The following MTUS2 variants were observed in gnomAD, a reference collection of about 807,000 sequenced individuals.
The protein encoded by MTUS2 is microtubule-associated tumor suppressor candidate 2.
A neutral mutation model predicts 114.1 loss-of-function variants in MTUS2; 40 were observed. The observed-to-expected ratio is 0.35, with a 90% CI of 0.27 to 0.46. The LOEUF (loss-of-function observed/expected upper bound fraction) is 0.46. Ranked by LOEUF, MTUS2 falls within the 20% of genes least tolerant of loss-of-function variation. The pLI is 1.00. For missense variants in MTUS2, 1,679 were observed against 1,705.4 expected (o/e 0.98, Z 0.27); for synonymous variants, 688 against 672.0 (o/e 1.02, Z -0.37).
At position 29,034,115 on chromosome 13, in the gene MTUS2, C is replaced by T. The variant is rs186190059; in HGVS notation, c.2436C>T (p.Ser812=). The T allele has an allele frequency of 1.1e-4, 177 of 1,613,956 alleles. No homozygotes were observed. The African/African-American group carries it at 1.4e-3, about 13-fold the overall frequency. The change falls in exon 4 of 16, where the codon TCC becomes TCT. Residue 812 remains serine (S), a synonymous_variant. Coordinates refer to ENST00000612955, the MANE Select transcript of MTUS2 (RefSeq NM_001033602.4). ...CAACAGCCACCAGTCTCTACAGTTC[C>T]GATCCTTCAGGTAACCGATCCAACA... ...PITTATSLYS[S]DPSADLKKAS...
chr13:28,882,644 A>G (rs964847888), intron 2 of MTUS2, among the ~76,000 whole-genome samples: 4 of 152,276 alleles, frequency 2.6e-5, no homozygotes, highest in East Asian at 1.9e-4. Flanking sequence ...GGCTGAGGCA[A>G]GAAGCTCACT....
intron 13 of MTUS2, 194 bp downstream of exon 13, chr13:29,497,530 T>C (rs906305388): frequency 1.5e-5 from 9 of 597,112 alleles, no homozygotes; most frequent in South Asian, 1.2e-4. Context: ...ACAGCAGCTG[T>C]GGGTTTCTCC....
rs574996766 is a variant in MTUS2 at position 29,426,621 on chromosome 13, G to A, written c.3118-13362G>A. On this transcript the variant is annotated intron_variant, in intron 8 of 15. Coordinates refer to ENST00000612955, the MANE Select transcript of MTUS2 (RefSeq NM_001033602.4). ...CTAGGTACTTCATATAAGTGGAATC[G>A]TACAGTATTTGTCCTTTTGTGACTG... Among the ~76,000 whole-genome samples, 16 of 152,204 alleles carry A rather than the reference G, an allele frequency of 1.1e-4. No individual in the cohort carries two copies. The East Asian group carries it at 1.9e-3, about 18-fold the overall frequency.
intron 2 of MTUS2, among the ~76,000 whole-genome samples, chr13:28,975,484 C>G (rs376503037): frequency 6.5e-4 from 3 of 4,650 alleles, no homozygotes; most frequent in Admixed American, 4.1e-3. Context: ...CATCGCCCTC[C>G]CCTGCGGCAG....
intron 2 of MTUS2, among the ~76,000 whole-genome samples, chr13:28,909,377 T>A (rs1047899926): frequency 5.9e-5 from 9 of 152,074 alleles, no homozygotes; most frequent in Non-Finnish European, 8.8e-5. Context: ...GAGCAGTGGT[T>A]TGTAGTTCTC....
At chr13:29,383,474 C>G (rs1247862492) in intron 8 of MTUS2, among the ~76,000 whole-genome samples, 1 of 152,192 alleles carries the variant, frequency 6.6e-6, no homozygotes, top group Admixed American at 6.5e-5. Flanking sequence ...CTAGCGAAGG[C>G]AGGGACGTGT....
chr13:29,466,929 C>T (rs1193222590), intron 9 of MTUS2, among the ~76,000 whole-genome samples: 4 of 151,018 alleles, frequency 2.6e-5, no homozygotes, highest in African/African-American at 4.9e-5. Flanking sequence ...CTTCCACATC[C>T]TGTGGAAAAT....
intron 2 of MTUS2, among the ~76,000 whole-genome samples, chr13:29,014,074 C>G (rs776063182): frequency 2.0e-5 from 3 of 152,176 alleles, no homozygotes; most frequent in Non-Finnish European, 4.4e-5. Flanking sequence ...ATTCGATGCT[C>G]AGTAAATCAG....
chr13:29,226,777 T>C (rs1896123014), intron 5 of MTUS2, among the ~76,000 whole-genome samples: 1 of 152,162 alleles, frequency 6.6e-6, no homozygotes, highest in Non-Finnish European at 1.5e-5. Flanking sequence ...TTTGAATAAA[T>C]AGAAATAATC....
chr13:28,996,075 A>G (rs1172677576), intron 2 of MTUS2, among the ~76,000 whole-genome samples: 1 of 152,206 alleles, frequency 6.6e-6, no homozygotes, highest in African/African-American at 2.4e-5. Flanking sequence ...CATCCCATCA[A>G]TAACCTCATT....
intron 5 of MTUS2, among the ~76,000 whole-genome samples, chr13:29,274,696 T>C (rs2139514863): frequency 6.6e-6 from 1 of 152,294 alleles, no homozygotes; most frequent in South Asian, 2.1e-4. Context: ...TTCTCATTTT[T>C]AATTGGGTTA....
chr13:29,017,703 G>GAAA (rs11369162), intron 2 of MTUS2, among the ~76,000 whole-genome samples: 3 of 145,124 alleles, frequency 2.1e-5, no homozygotes, highest in Non-Finnish European at 3.0e-5. Flanking sequence ...TTGAAAGATT[G>GAAA]AAAAAAAAAA....
At chr13:29,105,655 TTC>T (rs1414870028) in intron 5 of MTUS2, among the ~76,000 whole-genome samples, 1 of 85,840 alleles carries the variant, frequency 1.2e-5, no homozygotes. Flanking sequence ...TCCTGTTTTT[TTC>T]TTTTTTTCCT....
chr13:29,403,448 G>A (rs1214684828), intron 8 of MTUS2, among the ~76,000 whole-genome samples: 1 of 152,184 alleles, frequency 6.6e-6, no homozygotes, highest in African/African-American at 2.4e-5. Flanking sequence ...TAGGCCATGG[G>A]TGCCCAGACA....
intron 5 of MTUS2, among the ~76,000 whole-genome samples, chr13:29,134,633 T>C (rs1485779414): frequency 6.6e-6 from 1 of 152,368 alleles, no homozygotes; most frequent in East Asian, 1.9e-4. Flanking sequence ...GTTTCACTGT[T>C]GTCACCCAGG....
intron 5 of MTUS2, among the ~76,000 whole-genome samples, chr13:29,183,137 G>C (rs1184432046): frequency 6.6e-6 from 1 of 152,196 alleles, no homozygotes; most frequent in Non-Finnish European, 1.5e-5. Flanking sequence ...ATATAGGCAA[G>C]ATGTGAGGAT....
At chr13:29,098,111 T>C (rs540428193) in intron 4 of MTUS2, among the ~76,000 whole-genome samples, 2 of 152,262 alleles carry the variant, frequency 1.3e-5, no homozygotes, top group African/African-American at 4.8e-5. Context: ...AGCAGACTCT[T>C]GAGCTCTACT....
intron 9 of MTUS2, among the ~76,000 whole-genome samples, chr13:29,471,668 T>C (rs370438947): frequency 6.6e-6 from 1 of 150,886 alleles, no homozygotes; most frequent in Admixed American, 6.6e-5. Flanking sequence ...GGGTGCATCA[T>C]GGAGGCCCCC....
At position 29,325,195 on chromosome 13, in the gene MTUS2, C is replaced by T. The variant is rs546968205; in HGVS notation, c.2905+484C>T. ...TCCTGGCCAGGCGTGGTGGCTCACGCCTGTAATCCCAGCACTTTGGGAGGC... is the reference window on the plus strand; with the variant it reads ...TCCTGGCCAGGCGTGGTGGCTCACGTCTGTAATCCCAGCACTTTGGGAGGC... On this transcript the variant is annotated intron_variant, in intron 7 of 15. Transcript: ENST00000612955. Among the ~76,000 whole-genome samples the T allele has an allele frequency of 2.0e-5, 3 of 152,268 alleles. No homozygotes were observed. In the East Asian group the frequency reaches 5.8e-4, roughly 29 times the overall value.
Sources: allele counts gnomAD v4.1 joint callset (sites outside exome capture counted in the v4.1 genomes callset), GRCh38; gene constraint gnomAD v4.1.1; transcripts MANE v1.5; gene names NCBI Gene and HGNC (gene_info 2026-07-23, HGNC 2026-07-21).